Variants in SNX29 observed in about 807,000 individuals in gnomAD.
The protein encoded by SNX29 is sorting nexin 29, also known as sorting nexin-29.
Under a neutral mutation model 102.1 loss-of-function variants are expected in SNX29, and 78 were observed. That is an observed-to-expected ratio of 0.76 (90% CI 0.64 to 0.92). The LOEUF (loss-of-function observed/expected upper bound fraction) is 0.92. Ranked by LOEUF, SNX29 falls within the 40% of genes least tolerant of loss-of-function variation. SNX29 has a pLI of 0.00. For missense variants in SNX29, 1,280 were observed against 1,061.7 expected (o/e 1.21, Z -2.86); for synonymous variants, 580 against 414.5 (o/e 1.40, Z -4.85).
At chr16:12,455,629 G>A (rs1370240513) in intron 18 of SNX29, among the ~76,000 whole-genome samples, 2 of 152,158 alleles carry the variant, frequency 1.3e-5, no homozygotes, top group African/African-American at 4.8e-5. Context: ...TATGAGTGTC[G>A]GTAACTTCAT....
chr16:12,094,207 C>G (rs1038823002), intron 11 of SNX29, among the ~76,000 whole-genome samples: 1 of 152,102 alleles, frequency 6.6e-6, no homozygotes, highest in Non-Finnish European at 1.5e-5. Flanking sequence ...TCAGAAGATA[C>G]ACTATGTAAA....
intron 18 of SNX29, among the ~76,000 whole-genome samples, chr16:12,422,896 G>C (rs1441164368): frequency 6.6e-6 from 1 of 152,222 alleles, no homozygotes; most frequent in Admixed American, 6.6e-5. Context: ...ACGGAGATAG[G>C]CTTTAAAGGT....
At chr16:12,460,907 C>T (rs1173127059) in intron 18 of SNX29, among the ~76,000 whole-genome samples, 1 of 152,188 alleles carries the variant, frequency 6.6e-6, no homozygotes, top group Non-Finnish European at 1.5e-5. Context: ...TTCCAAAGTG[C>T]TGGTATTACA....
At chr16:12,144,773 C>G (rs897115797) in intron 13 of SNX29, among the ~76,000 whole-genome samples, 4 of 152,208 alleles carry the variant, frequency 2.6e-5, no homozygotes, top group African/African-American at 4.8e-5. Context: ...CCAGGCTGGA[C>G]TGCAATGGCG....
chr16:12,272,746 C>A (rs2079128078), intron 14 of SNX29, among the ~76,000 whole-genome samples: 1 of 152,244 alleles, frequency 6.6e-6, no homozygotes, highest in Non-Finnish European at 1.5e-5. Flanking sequence ...CTGTCTCCCA[C>A]TTGCCACCCT....
rs904750039 is a variant in SNX29 at position 12,519,839 on chromosome 16, C to A, written c.2179-4863C>A. ...CCTGGCCAACATGGCGAAACCCTGT[C>A]TCTGTTAAAAATACAAAAATTAGCT... is the stretch of plus-strand genomic sequence containing the variant. On this transcript the variant is annotated intron_variant, in intron 19 of 20. Coordinates refer to ENST00000566228, the MANE Select transcript of SNX29 (RefSeq NM_032167.5). 2.0e-5 allele frequency among the ~76,000 whole-genome samples: 3 copies of A among 152,032 alleles called. No individual in the cohort carries two copies. The East Asian group carries it at 5.8e-4, about 29-fold the overall frequency.
chr16:12,454,811 C>A (rs916853928), intron 18 of SNX29, among the ~76,000 whole-genome samples: 14 of 151,168 alleles, frequency 9.3e-5, no homozygotes, highest in Non-Finnish European at 1.5e-4. Context: ...CCTCTGCCTC[C>A]CAGGTTCAGG....
intron 18 of SNX29, among the ~76,000 whole-genome samples, chr16:12,464,527 C>T (rs893805362): frequency 6.6e-6 from 1 of 152,114 alleles, no homozygotes; most frequent in African/African-American, 2.4e-5. Flanking sequence ...GATCACAGCT[C>T]ACTGCAGCCT....
chr16:12,132,711 C>G (rs566144512), intron 13 of SNX29, among the ~76,000 whole-genome samples: 1 of 152,294 alleles, frequency 6.6e-6, no homozygotes, highest in East Asian at 1.9e-4. Context: ...ATGTCCTAAC[C>G]AGGCAGTTTT....
intron 18 of SNX29, among the ~76,000 whole-genome samples, chr16:12,436,856 G>A (rs1490549401): frequency 1.3e-5 from 2 of 152,158 alleles, no homozygotes; most frequent in East Asian, 3.9e-4. Context: ...TTTTGCCATA[G>A]TGGCTAGGCT....
At chr16:12,433,792 C>G (rs182661555) in intron 18 of SNX29, among the ~76,000 whole-genome samples, 4 of 152,280 alleles carry the variant, frequency 2.6e-5, no homozygotes, top group South Asian at 4.1e-4. Flanking sequence ...CCACTGCACT[C>G]CAGCCCAGGC....
At chr16:12,021,201 C>T (rs1434581677) in intron 3 of SNX29, among the ~76,000 whole-genome samples, 1 of 151,828 alleles carries the variant, frequency 6.6e-6, no homozygotes, top group African/African-American at 2.4e-5. Context: ...CTGAGGCAGG[C>T]GGATCACAAT....
chr16:12,191,651 T>C (rs1359914702), intron 13 of SNX29, among the ~76,000 whole-genome samples: 1 of 152,106 alleles, frequency 6.6e-6, no homozygotes, highest in African/African-American at 2.4e-5. Context: ...TTAGAAAAGG[T>C]GGCGGGGTTG....
chr16:12,468,223 G>A, intron 18 of SNX29, among the ~76,000 whole-genome samples: 1 of 138,050 alleles, frequency 7.2e-6, no homozygotes, highest in African/African-American at 2.7e-5. Context: ...TTCCCAGGCT[G>A]GAGTGCAGTG....
chr16:12,476,411 T>TATAC (rs1567603336), intron 18 of SNX29, among the ~76,000 whole-genome samples: 3 of 18,646 alleles, frequency 1.6e-4, no homozygotes, highest in African/African-American at 4.5e-4. Flanking sequence ...TATATATATA[T>TATAC]ACATATATAT....
At chr16:12,508,843 C>T (rs1242783031) in intron 19 of SNX29, among the ~76,000 whole-genome samples, 1 of 152,150 alleles carries the variant, frequency 6.6e-6, no homozygotes, top group Non-Finnish European at 1.5e-5. Flanking sequence ...CCTGAGGGAG[C>T]TTTCTTGGGG....
intron 14 of SNX29, among the ~76,000 whole-genome samples, chr16:12,227,270 T>C (rs1042894206): frequency 3.9e-5 from 6 of 152,218 alleles, no homozygotes; most frequent in South Asian, 4.1e-4. Flanking sequence ...CAGCCCTGTT[T>C]AGCGCATTTC....
chr16:11,981,605 A>C lies in SNX29; in HGVS notation c.7+4792A>C, dbSNP rs537080791. ...TTTTCAGTCTCTTGTATGTGCTATA[A>C]ATTGGTAATTAGAGTCTGCTGTATT... is the stretch of plus-strand genomic sequence containing the variant. On this transcript the variant is annotated intron_variant, in intron 1 of 20. Coordinates refer to ENST00000566228, the MANE Select transcript of SNX29 (RefSeq NM_032167.5). Among the ~76,000 whole-genome samples, 7 of 152,158 alleles carry C rather than the reference A, an allele frequency of 4.6e-5. No individual in the cohort carries two copies. In the South Asian group the frequency reaches 1.5e-3, roughly 32 times the overall value.
intron 4 of SNX29, among the ~76,000 whole-genome samples, chr16:12,034,474 C>T (rs1225032657): frequency 6.6e-6 from 1 of 152,146 alleles, no homozygotes; most frequent in Non-Finnish European, 1.5e-5. Context: ...AAGAAGCTGG[C>T]TTTAGGGAGG....
Sources: allele counts gnomAD v4.1 joint callset (sites outside exome capture counted in the v4.1 genomes callset), GRCh38; gene constraint gnomAD v4.1.1; transcripts MANE v1.5; gene names NCBI Gene and HGNC (gene_info 2026-07-23, HGNC 2026-07-21).